MCC: variants seen among roughly 807,000 people sequenced by gnomAD.
MCC encodes MCC regulator of Wnt signaling pathway, also known as colorectal mutant cancer protein.
In MCC, 90 loss-of-function variants were observed where a neutral mutation model predicts 116.2. The ratio of observed to expected loss-of-function variants is 0.77; its 90% CI spans 0.65 to 0.92. The LOEUF is 0.92. Among genes scored for constraint, MCC ranks in the 40% least tolerant of loss-of-function variants. MCC has a pLI of 0.00. For missense variants in MCC, 1,516 were observed against 1,312.2 expected (o/e 1.16, Z -2.40); for synonymous variants, 578 against 510.5 (o/e 1.13, Z -1.78).
At chr5:113,473,398 C>T (rs1772147894) in intron 1 of MCC, among the ~76,000 whole-genome samples, 1 of 152,020 alleles carries the variant, frequency 6.6e-6, no homozygotes, top group African/African-American at 2.4e-5. Flanking sequence ...GGGGTGGATG[C>T]CTCTAGTTCC....
chr5:113,270,161 G>A (rs1297271578), intron 3 of MCC, among the ~76,000 whole-genome samples: 1 of 152,172 alleles, frequency 6.6e-6, no homozygotes, highest in Non-Finnish European at 1.5e-5. Context: ...TAGGAAAAAT[G>A]TTTATGACTT....
intron 15 of MCC, among the ~76,000 whole-genome samples, chr5:113,051,471 C>T (rs1008815867): frequency 3.3e-5 from 5 of 152,210 alleles, no homozygotes; most frequent in African/African-American, 1.2e-4. Flanking sequence ...GTAATCCCAG[C>T]ACTTTGGGAG....
intron 6 of MCC, among the ~76,000 whole-genome samples, chr5:113,105,418 G>A (rs958077037): frequency 6.6e-6 from 1 of 152,098 alleles, no homozygotes; most frequent in African/African-American, 2.4e-5. Flanking sequence ...AACCTCATCT[G>A]GTTGCCTCTA....
At chr5:113,074,749 T>C (rs1199899283) in intron 11 of MCC, among the ~76,000 whole-genome samples, 1 of 152,248 alleles carries the variant, frequency 6.6e-6, no homozygotes, top group Non-Finnish European at 1.5e-5. Flanking sequence ...ATGCAAAAGC[T>C]TCAGTAGCTG....
At chr5:113,076,597 G>T (rs562075458) in intron 11 of MCC, among the ~76,000 whole-genome samples, 3 of 152,276 alleles carry the variant, frequency 2.0e-5, no homozygotes, top group African/African-American at 7.2e-5. Flanking sequence ...ATCCTTTACA[G>T]ACGAACAAAT....
chr5:113,135,510 G>A (rs1758760665), intron 5 of MCC, among the ~76,000 whole-genome samples: 1 of 143,446 alleles, frequency 7.0e-6, no homozygotes, highest in African/African-American at 2.6e-5. Flanking sequence ...AGTGAACCGA[G>A]ATCGTGCCAC....
At chr5:113,142,198 A>C (rs1337445527) in intron 5 of MCC, among the ~76,000 whole-genome samples, 1 of 147,206 alleles carries the variant, frequency 6.8e-6, no homozygotes, top group African/African-American at 2.4e-5. Context: ...AAATGCATCC[A>C]AAGTTTCCTC....
intron 11 of MCC, among the ~76,000 whole-genome samples, chr5:113,075,324 C>G (rs576755587): frequency 1.3e-5 from 2 of 152,232 alleles, no homozygotes; most frequent in South Asian, 4.1e-4. Flanking sequence ...CCCCTCACCC[C>G]CTGTGGGTTC....
At chr5:113,285,288 T>C (rs1331695088) in intron 3 of MCC, among the ~76,000 whole-genome samples, 2 of 151,736 alleles carry the variant, frequency 1.3e-5, no homozygotes, top group Non-Finnish European at 2.9e-5. Context: ...GAACACAACT[T>C]TCCAGGCCTT....
intron 11 of MCC, among the ~76,000 whole-genome samples, chr5:113,079,196 A>G (rs1265820216): frequency 6.6e-6 from 1 of 152,268 alleles, no homozygotes; most frequent in Non-Finnish European, 1.5e-5. Context: ...GCTCATGGAT[A>G]GGAAGAATCA....
intron 2 of MCC, among the ~76,000 whole-genome samples, chr5:113,343,693 T>C (rs2150379750): frequency 6.6e-6 from 1 of 152,342 alleles, no homozygotes; most frequent in East Asian, 1.9e-4. Context: ...TTAATAAACA[T>C]TTATTGAATG....
intron 16 of MCC, among the ~76,000 whole-genome samples, chr5:113,046,439 G>A (rs1463596238): frequency 2.0e-5 from 3 of 151,876 alleles, no homozygotes; most frequent in African/African-American, 2.4e-5. Context: ...TGATCCACCC[G>A]CCTCGGGTTC....
chr5:113,187,981 C>T (rs1321851335), intron 3 of MCC, among the ~76,000 whole-genome samples: 1 of 152,106 alleles, frequency 6.6e-6, no homozygotes, highest in Non-Finnish European at 1.5e-5. Context: ...GTATGTGGCC[C>T]TGCTCAAGCA....
intron 3 of MCC, among the ~76,000 whole-genome samples, chr5:113,280,964 T>A (rs1766026329): frequency 6.6e-6 from 1 of 152,180 alleles, no homozygotes; most frequent in African/African-American, 2.4e-5. Flanking sequence ...GCTTCTTCAG[T>A]TCCCTTCCCA....
intron 1 of MCC, among the ~76,000 whole-genome samples, chr5:113,426,380 T>C (rs1770483392): frequency 6.6e-6 from 1 of 152,198 alleles, no homozygotes; most frequent in African/African-American, 2.4e-5. Flanking sequence ...AGTCCAAGAC[T>C]GGGTGCCATA....
chr5:113,143,862 C>T (rs10519335), intron 4 of MCC, among the ~76,000 whole-genome samples: 4,989 of 152,298 alleles, frequency 0.033, 116 homozygotes, highest in South Asian at 0.11. Flanking sequence ...TTCACCCCTC[C>T]TTTGCTGAAG....
chr5:113,442,861 G>T (rs1051737011), intron 1 of MCC, among the ~76,000 whole-genome samples: 40 of 152,176 alleles, frequency 2.6e-4, no homozygotes, highest in South Asian at 8.3e-4. Context: ...GGTCTATATA[G>T]CTGTTTTGGT....
At chr5:113,321,238 A>G (rs1461359249) in intron 3 of MCC, among the ~76,000 whole-genome samples, 1 of 152,242 alleles carries the variant, frequency 6.6e-6, no homozygotes, top group East Asian at 1.9e-4. Context: ...TATCTTTTCT[A>G]TAGCTGAGTC....
rs886473151 is a variant in MCC, at chr5:113,332,114, A to C, written c.627+8405T>G. Among the ~76,000 whole-genome samples the C allele has an allele frequency of 3.0e-4, 46 of 151,786 alleles. 1 individual carries two copies. The highest frequency in any genetic ancestry group is 1.0e-3 in the African/African-American group (43 of 41,082). ...CCTTGAAAGATCTCATTTCTTTAGA[A>C]TTTTTTTAGTTTCTATTTCCAAATA... On this transcript the variant is annotated intron_variant, in intron 3 of 18. Transcript: ENST00000408903.
Sources: allele counts gnomAD v4.1 joint callset (sites outside exome capture counted in the v4.1 genomes callset), GRCh38; gene constraint gnomAD v4.1.1; transcripts MANE v1.5; gene names NCBI Gene and HGNC (gene_info 2026-07-23, HGNC 2026-07-21).